Variants in KCNB2 observed in about 807,000 individuals in gnomAD.
The protein encoded by KCNB2 is delayed rectifier potassium channel protein.
In KCNB2, 15 loss-of-function variants were observed where a neutral mutation model predicts 61.5. The observed-to-expected ratio is 0.24, with a 90% confidence interval of 0.16 to 0.38. The LOEUF is 0.38. KCNB2 is among the 10% of genes least tolerant of loss of function. The pLI, the probability that KCNB2 is intolerant of heterozygous loss-of-function variation, is 1.00. For missense variants in KCNB2, 828 were observed against 1,125.2 expected (o/e 0.74, Z 3.78); for synonymous variants, 457 against 446.0 (o/e 1.02, Z -0.31).
chr8:72,599,792 G>A (rs1807262510), intron 2 of KCNB2, among the ~76,000 whole-genome samples: 1 of 152,124 alleles, frequency 6.6e-6, no homozygotes, highest in Non-Finnish European at 1.5e-5. Flanking sequence ...CAAAGGATAT[G>A]AACAGACACT....
chr8:72,744,683 A>G (rs1808027629), intron 2 of KCNB2, among the ~76,000 whole-genome samples: 1 of 152,152 alleles, frequency 6.6e-6, no homozygotes, highest in South Asian at 2.1e-4. Flanking sequence ...TAAACTGTCC[A>G]TGCTGAGAAG....
At chr8:72,728,658 T>C (rs1009608975) in intron 2 of KCNB2, among the ~76,000 whole-genome samples, 6 of 152,240 alleles carry the variant, frequency 3.9e-5, no homozygotes, top group African/African-American at 1.4e-4. Flanking sequence ...ATGGGAAAAT[T>C]AGCTGCACCT....
At chr8:72,596,293 C>A (rs185185845) in intron 2 of KCNB2, among the ~76,000 whole-genome samples, 131 of 152,258 alleles carry the variant, frequency 8.6e-4, no homozygotes, top group African/African-American at 3.1e-3. Context: ...CAAAGAGCAG[C>A]CTCTGGCAGT....
intron 2 of KCNB2, among the ~76,000 whole-genome samples, chr8:72,630,558 T>G (rs1443050827): frequency 6.6e-6 from 1 of 152,130 alleles, no homozygotes; most frequent in Non-Finnish European, 1.5e-5. Flanking sequence ...GCCTTTCAAT[T>G]CTGGAGGCAA....
chr8:72,546,163 A>G (rs116415313), intron 1 of KCNB2, among the ~76,000 whole-genome samples: 3,157 of 144,064 alleles, frequency 0.022, 101 homozygotes, highest in African/African-American at 0.078. Context: ...AGAAAAGTTC[A>G]AAGCTAGCAG....
chr8:72,739,221 C>A (rs906063881), intron 2 of KCNB2, among the ~76,000 whole-genome samples: 38 of 151,962 alleles, frequency 2.5e-4, no homozygotes, highest in African/African-American at 8.9e-4. Context: ...TGCCTACCAT[C>A]TGTCTCCTCC....
intron 2 of KCNB2, among the ~76,000 whole-genome samples, chr8:72,928,948 T>C (rs527451796): frequency 6.6e-4 from 101 of 152,294 alleles, no homozygotes; most frequent in Admixed American, 2.6e-3. Context: ...AAACAGTTTT[T>C]TTTTTATTGT....
intron 2 of KCNB2, among the ~76,000 whole-genome samples, chr8:72,811,732 C>G (rs1585907065): frequency 6.6e-6 from 1 of 152,256 alleles, no homozygotes; most frequent in Non-Finnish European, 1.5e-5. Context: ...AGCACAGCCT[C>G]CTGTCCAAAG....
Position 72,649,584 on chromosome 8 carries a change from C to CTAAAA in KCNB2, c.579+81282_579+81286dup, listed in dbSNP as rs528972875. 1.2e-4 allele frequency among the ~76,000 whole-genome samples: 18 copies of CTAAAA among 152,126 alleles called. No individual in the cohort carries two copies. In the South Asian group the frequency reaches 3.7e-3, roughly 32 times the overall value. ...AAACCTGCATGTGTATCCCCTGAAT[C>CTAAAA]TAAAATAAAATAAAAGCTAATCTTT... On this transcript the variant is annotated intron_variant, in intron 2 of 2. Coordinates refer to ENST00000523207, the MANE Select transcript of KCNB2 (RefSeq NM_004770.3).
chr8:72,568,380 T>C lies in KCNB2; in HGVS notation c.579+67T>C. On this transcript the variant is annotated intron_variant, in intron 2 of 2. Coordinates refer to ENST00000523207, the MANE Select transcript of KCNB2 (RefSeq NM_004770.3). ...AAGATGCTACCTACGTTCTAGAGAG[T>C]ATAAGTTTTTTTACTGTTTTGGTAA... The C allele has an allele frequency of 2.2e-6, 3 of 1,356,286 alleles. No individual in the cohort carries two copies. In the South Asian group the frequency reaches 4.3e-5, roughly 19 times the overall value. 84.0% of individuals were successfully genotyped at this position (1,356,286 alleles called of 1,614,324 possible). A position where few individuals can be genotyped will look rare whatever the true frequency, so the allele number is the denominator to read the frequency against.
chr8:72,578,557 G>A (rs1806841214), intron 2 of KCNB2, among the ~76,000 whole-genome samples: 1 of 152,016 alleles, frequency 6.6e-6, no homozygotes, highest in Non-Finnish European at 1.5e-5. Context: ...TTAAGCCCTG[G>A]TCTTTATTTT....
intron 2 of KCNB2, among the ~76,000 whole-genome samples, chr8:72,685,012 T>A (rs914547264): frequency 2.0e-5 from 3 of 152,162 alleles, no homozygotes; most frequent in Non-Finnish European, 4.4e-5. Context: ...GTAGAAAAAA[T>A]TATAATTTCA....
At chr8:72,703,025 C>A (rs911158076) in intron 2 of KCNB2, among the ~76,000 whole-genome samples, 8 of 152,178 alleles carry the variant, frequency 5.3e-5, no homozygotes, top group Non-Finnish European at 2.9e-5. Flanking sequence ...ATTAAGAAAG[C>A]TTTTAGGTTT....
intron 2 of KCNB2, among the ~76,000 whole-genome samples, chr8:72,830,702 G>A (rs1442329632): frequency 1.3e-5 from 2 of 152,232 alleles, no homozygotes; most frequent in East Asian, 1.9e-4. Flanking sequence ...AGGCAGACAT[G>A]CATGCCTGTC....
intron 1 of KCNB2, among the ~76,000 whole-genome samples, chr8:72,567,253 A>T (rs959503337): frequency 3.9e-5 from 6 of 152,104 alleles, no homozygotes; most frequent in African/African-American, 1.2e-4. Context: ...TCAAGGCTGC[A>T]GTGAGCTGTG....
In KCNB2 at chr8:72,657,754, A is replaced by C. The variant is rs1806314411; in HGVS notation, c.579+89441A>C. On this transcript the variant is annotated intron_variant, in intron 2 of 2. Transcript: ENST00000523207. ...CTGGATCAATAGGAGAGACTCGTTA[A>C]ATAGTTCTAACAAGAACATTTGCCA... Among the ~76,000 whole-genome samples, 2 of 152,216 alleles carry C rather than the reference A, an allele frequency of 1.3e-5. 1 individual carries two copies. Among genetic ancestry groups the C allele is most frequent in the African/African-American group, 4.8e-5 (2 of 41,466 alleles).
chr8:72,579,972 A>G (rs551413674), intron 2 of KCNB2, among the ~76,000 whole-genome samples: 1 of 152,348 alleles, frequency 6.6e-6, no homozygotes, highest in African/African-American at 2.4e-5. Context: ...CTTTCTCAAA[A>G]CAGCAGGAGG....
intron 2 of KCNB2, among the ~76,000 whole-genome samples, chr8:72,753,656 A>G (rs905641331): frequency 6.6e-6 from 1 of 152,186 alleles, no homozygotes; most frequent in African/African-American, 2.4e-5. Flanking sequence ...AGGCTCCATG[A>G]GCTTGATAGA....
intron 2 of KCNB2, among the ~76,000 whole-genome samples, chr8:72,872,958 G>A (rs929076017): frequency 3.3e-5 from 5 of 152,160 alleles, no homozygotes; most frequent in Admixed American, 3.3e-4. Context: ...TGAATTCCCA[G>A]TGCCTCTCCA....
Sources: gnomAD v4.1 joint callset for allele counts (sites outside exome capture counted in the v4.1 genomes callset) on GRCh38, gnomAD v4.1.1 for gene constraint, MANE v1.5 for transcripts, NCBI Gene and HGNC (gene_info 2026-07-23, HGNC 2026-07-21) for gene names.